The following LARGE1 variants were observed in gnomAD, a reference collection of about 807,000 sequenced individuals.
LARGE1 encodes the protein xylosyl- and glucuronyltransferase LARGE1.
Under a neutral mutation model 87.6 loss-of-function variants are expected in LARGE1, and 43 were observed. The ratio of observed to expected loss-of-function variants is 0.49; its 90% confidence interval spans 0.38 to 0.63. The LOEUF (loss-of-function observed/expected upper bound fraction) is 0.63. Among genes scored for constraint, LARGE1 ranks in the 30% least tolerant of loss-of-function variants. The pLI, the probability that LARGE1 is intolerant of heterozygous loss-of-function variation, is 0.00. For missense variants in LARGE1, 802 were observed against 1,000.2 expected (o/e 0.80, Z 2.67); for synonymous variants, 434 against 394.6 (o/e 1.10, Z -1.18).
chr22:33,386,315 C>T (rs2065321507), intron 7 of LARGE1, among the ~76,000 whole-genome samples: 1 of 148,958 alleles, frequency 6.7e-6, no homozygotes. Flanking sequence ...TGCGTGATTC[C>T]AAGGCCAGTG....
At chr22:33,853,201 A>G (rs556889598) in intron 1 of LARGE1, among the ~76,000 whole-genome samples, 1 of 152,264 alleles carries the variant, frequency 6.6e-6, no homozygotes, top group East Asian at 1.9e-4. Context: ...TTGATGATAG[A>G]ACCAGGTGGA....
chr22:33,518,426 C>A (rs529138371), intron 6 of LARGE1, among the ~76,000 whole-genome samples: 1 of 152,346 alleles, frequency 6.6e-6, no homozygotes, highest in Non-Finnish European at 1.5e-5. Flanking sequence ...TCAGGCAATT[C>A]TCATGCCTCA....
chr22:33,291,617 A>C (rs141399530), intron 12 of LARGE1, among the ~76,000 whole-genome samples: 6 of 151,272 alleles, frequency 4.0e-5, no homozygotes, highest in African/African-American at 1.2e-4. Context: ...ACATTAATAC[A>C]TTTAATACAT....
At chr22:33,788,930 C>T (rs2085734594) in intron 1 of LARGE1, among the ~76,000 whole-genome samples, 2 of 152,126 alleles carry the variant, frequency 1.3e-5, no homozygotes, top group South Asian at 4.1e-4. Flanking sequence ...AATCTGCAGC[C>T]TGATAATGCA....
chr22:33,703,483 A>G (rs1008521310), intron 2 of LARGE1, among the ~76,000 whole-genome samples: 1 of 152,262 alleles, frequency 6.6e-6, no homozygotes, highest in Non-Finnish European at 1.5e-5. Flanking sequence ...ATAACAAAAA[A>G]GGACTTTGTA....
At chr22:33,254,502 C>T (rs981156701) in intron 11 of LARGE1, among the ~76,000 whole-genome samples, 1 of 152,192 alleles carries the variant, frequency 6.6e-6, no homozygotes, top group African/African-American at 2.4e-5. Flanking sequence ...AAATGTGCTA[C>T]ATATCACTGT....
At chr22:33,432,326 A>G in intron 6 of LARGE1, 61 bp from the exon 7 acceptor site, 3 of 1,221,686 alleles carry the variant, frequency 2.5e-6, no homozygotes, top group Non-Finnish European at 3.6e-6. Context: ...TGGATCAGTG[A>G]CTATTGAAGA....
At chr22:33,295,346 A>G (rs568158607) in intron 12 of LARGE1, among the ~76,000 whole-genome samples, 2 of 152,344 alleles carry the variant, frequency 1.3e-5, no homozygotes, top group East Asian at 3.9e-4. Context: ...AGAAGGGCAC[A>G]CATGTGTGTG....
chr22:33,569,280 C>T (rs769688700), intron 5 of LARGE1, among the ~76,000 whole-genome samples: 2 of 152,142 alleles, frequency 1.3e-5, no homozygotes, highest in Non-Finnish European at 2.9e-5. Context: ...AGACTGAACA[C>T]GAGAGTGATG....
At chr22:33,522,943 G>A (rs1003802581) in intron 6 of LARGE1, among the ~76,000 whole-genome samples, 1 of 152,136 alleles carries the variant, frequency 6.6e-6, no homozygotes, top group Non-Finnish European at 1.5e-5. Flanking sequence ...GGGAGGTAGA[G>A]GCTGCGGTGA....
At chr22:33,309,039 G>A (rs1325001976) in intron 11 of LARGE1, among the ~76,000 whole-genome samples, 2 of 152,146 alleles carry the variant, frequency 1.3e-5, no homozygotes, top group African/African-American at 4.8e-5. Context: ...TACTATACAG[G>A]CAAGGGGCCT....
At chr22:33,425,727 T>C (rs2066853571) in intron 7 of LARGE1, among the ~76,000 whole-genome samples, 1 of 152,160 alleles carries the variant, frequency 6.6e-6, no homozygotes, top group Non-Finnish European at 1.5e-5. Flanking sequence ...ATAGCTTTCT[T>C]TACTTCCAGA....
chr22:33,647,940 G>A (rs1209907197), intron 3 of LARGE1, among the ~76,000 whole-genome samples: 1 of 152,092 alleles, frequency 6.6e-6, no homozygotes, highest in Non-Finnish European at 1.5e-5. Flanking sequence ...GCTATTTTTA[G>A]TAGAGACGGG....
At chr22:33,242,986 C>T (rs566982825) in intron 11 of LARGE1, among the ~76,000 whole-genome samples, 3 of 152,136 alleles carry the variant, frequency 2.0e-5, no homozygotes, top group Non-Finnish European at 2.9e-5. Context: ...CTGAATTTCC[C>T]CTTTCTATAA....
rs548410079 is a variant in LARGE1, at chr22:33,339,761, T to G, written c.1132-1960A>C. 4.6e-5 allele frequency among the ~76,000 whole-genome samples: 7 copies of G among 152,334 alleles called. No individual in the cohort carries two copies. The South Asian group carries it at 1.5e-3, about 32-fold the overall frequency. On this transcript the variant is annotated intron_variant, in intron 9 of 14. Coordinates refer to ENST00000397394, the MANE Select transcript of LARGE1 (RefSeq NM_133642.5). ...TTGGCTCACTGCAGCCTTGACCTCC[T>G]GGGCTCAGGTGATCCTCCCACCTCA... is the stretch of plus-strand genomic sequence containing the variant.
chr22:33,185,508 G>A (rs72620419), intron 11 of LARGE1, among the ~76,000 whole-genome samples: 22,056 of 152,062 alleles, frequency 0.15, 1,666 homozygotes, highest in East Asian at 0.21. Context: ...ATAGAAACCC[G>A]TAGAATATTT....
intron 5 of LARGE1, among the ~76,000 whole-genome samples, chr22:33,593,963 C>T (rs957797886): frequency 1.3e-4 from 20 of 152,136 alleles, no homozygotes; most frequent in African/African-American, 4.6e-4. Context: ...GTAATCTGAA[C>T]AAGTCTCTTT....
At chr22:33,419,548 A>G (rs953263911) in intron 7 of LARGE1, among the ~76,000 whole-genome samples, 8 of 152,150 alleles carry the variant, frequency 5.3e-5, no homozygotes, top group African/African-American at 1.9e-4. Context: ...CTTAGCTCAA[A>G]TGTCGTCTTC....
intron 11 of LARGE1, among the ~76,000 whole-genome samples, chr22:33,241,844 G>T (rs896477161): frequency 7.9e-5 from 12 of 152,076 alleles, no homozygotes; most frequent in Non-Finnish European, 1.3e-4. Context: ...GTTACCAAGG[G>T]CTGGGGGACG....
Sources: allele counts gnomAD v4.1 joint callset (sites outside exome capture counted in the v4.1 genomes callset), GRCh38; gene constraint gnomAD v4.1.1; transcripts MANE v1.5; gene names NCBI Gene and HGNC (gene_info 2026-07-23, HGNC 2026-07-21).